The following UGGT1 variants were observed in gnomAD, a reference collection of about 807,000 sequenced individuals.
UGGT1 encodes the protein UDP-glucose glycoprotein glucosyltransferase 1.
A neutral mutation model predicts 203.9 loss-of-function variants in UGGT1; 107 were observed. That is an observed-to-expected ratio of 0.52 (90% confidence interval 0.45 to 0.62). UGGT1 has a LOEUF of 0.62. Among genes scored for constraint, UGGT1 ranks in the 20% least tolerant of loss-of-function variants. The pLI is 0.00. For missense variants in UGGT1, 1,673 were observed against 1,867.2 expected, an observed-to-expected ratio of 0.90 and a Z score of 1.92; for synonymous variants, 628 against 653.5, an observed-to-expected ratio of 0.96 and a Z score of 0.59.
intron 10 of UGGT1, among the ~76,000 whole-genome samples, chr2:128,121,805 A>G (rs1688395660): frequency 6.6e-6 from 1 of 152,208 alleles, no homozygotes; most frequent in African/African-American, 2.4e-5. Context: ...GAAGTGACAG[A>G]TTTAGGTTAT....
chr2:128,149,877 G>A (rs553933667), intron 18 of UGGT1, among the ~76,000 whole-genome samples: 1 of 152,156 alleles, frequency 6.6e-6, no homozygotes, highest in South Asian at 2.1e-4. Context: ...CAGGAGAATC[G>A]CTTGAACGCA....
intron 11 of UGGT1, among the ~76,000 whole-genome samples, chr2:128,125,486 T>C (rs1018396737): frequency 6.6e-6 from 1 of 152,186 alleles, no homozygotes; most frequent in East Asian, 1.9e-4. Context: ...GGTCTAACAT[T>C]CAGCTTTCTC....
chr2:128,097,588 T>C (rs1553430796), intron 2 of UGGT1, 24 bp downstream of exon 2: 2 of 1,612,932 alleles, frequency 1.2e-6, no homozygotes, highest in South Asian at 1.1e-5. Context: ...TTTTTTCCCT[T>C]CGTGTATTTG....
intron 2 of UGGT1, among the ~76,000 whole-genome samples, chr2:128,100,445 T>G (rs1460814157): frequency 6.6e-6 from 1 of 151,766 alleles, no homozygotes; most frequent in Non-Finnish European, 1.5e-5. Flanking sequence ...TCGCTCTTGT[T>G]GCCCAGGCTG....
rs150217935 is a variant in UGGT1, at chr2:128,179,073, G to T, written c.3815+504G>T. Among the ~76,000 whole-genome samples the T allele has an allele frequency of 2.0e-3, 298 of 152,234 alleles. 2 individuals carry two copies. Among genetic ancestry groups the T allele is most frequent in the Non-Finnish European group, 2.0e-3 (136 of 68,010 alleles). ...CCAGAAGAGGCCACGGGCTAGGGCT[G>T]CCTGATGTAGTGGTCACCAGAGGCA... On this transcript the variant is annotated intron_variant, in intron 34 of 40. Transcript: ENST00000259253.
chr2:128,142,815 C>G (rs1215769276), intron 16 of UGGT1, among the ~76,000 whole-genome samples: 2 of 151,622 alleles, frequency 1.3e-5, no homozygotes, highest in Non-Finnish European at 1.5e-5. Flanking sequence ...AAACCTGTCT[C>G]TACTAAAAAT....
intron 40 of UGGT1, among the ~76,000 whole-genome samples, chr2:128,188,099 C>G (rs575709464): frequency 6.6e-6 from 1 of 151,482 alleles, no homozygotes; most frequent in African/African-American, 2.4e-5. Flanking sequence ...TGGCTCACTG[C>G]AGCCTCCACC....
chr2:128,129,704 A>G (rs1032171799), intron 13 of UGGT1, among the ~76,000 whole-genome samples: 21 of 152,056 alleles, frequency 1.4e-4, no homozygotes, highest in African/African-American at 4.8e-4. Flanking sequence ...TGGCCAAGAC[A>G]GTGATTTTTT....
At chr2:128,141,863 A>G (rs942273901) in intron 16 of UGGT1, among the ~76,000 whole-genome samples, 40 of 151,786 alleles carry the variant, frequency 2.6e-4, no homozygotes, top group Middle Eastern at 6.9e-3. Flanking sequence ...AGATTTCTCT[A>G]TCTCTCCCCT....
intron 25 of UGGT1, 30 bp from the exon 26 acceptor site, chr2:128,164,700 T>C: frequency 1.3e-6 from 2 of 1,582,222 alleles, no homozygotes; most frequent in Non-Finnish European, 8.7e-7. Context: ...GTTAAAAAGA[T>C]GTTAAGATTT....
intron 18 of UGGT1, chr2:128,151,036 A>G: frequency 4.6e-6 from 1 of 217,156 alleles, no homozygotes; most frequent in South Asian, 5.5e-5. Flanking sequence ...TTTTTAGTAG[A>G]GACAGGGTTT....
intron 27 of UGGT1, among the ~76,000 whole-genome samples, chr2:128,170,877 T>A (rs1195678122): frequency 2.0e-5 from 3 of 152,188 alleles, no homozygotes; most frequent in Non-Finnish European, 4.4e-5. Flanking sequence ...TGAGTATTGG[T>A]ATCTCTGTTT....
chr2:128,174,777 A>G lies in UGGT1; in HGVS notation c.3458A>G (p.Tyr1153Cys). Residue 1153 changes from tyrosine (Y) to cysteine (C), a missense_variant, in exon 31 of 41, where the codon TAC becomes TGC. Coordinates refer to ENST00000259253, the MANE Select transcript of UGGT1 (RefSeq NM_020120.4). ...GGACTTTTCTTCTTGTCCTAGGGCT[A>G]CTTTCAGCTGAAAGCCAACCCAGGA... ...VDTIVMANLG[Y>C]FQLKANPGAW... is the part of the protein sequence containing the mutation. The G allele has an allele frequency of 6.2e-7, 1 of 1,613,530 alleles. No homozygotes were observed. Among genetic ancestry groups the G allele is most frequent in the Non-Finnish European group, 8.5e-7 (1 of 1,179,732 alleles).
intron 16 of UGGT1, 93 bp downstream of exon 16, chr2:128,138,945 G>A (rs1689277278): frequency 2.0e-6 from 3 of 1,517,058 alleles, no homozygotes; most frequent in South Asian, 1.2e-5. Flanking sequence ...CAGCTGGGGT[G>A]TATAGAGCTC....
chr2:128,123,131 G>T, intron 10 of UGGT1, 55 bp from the exon 11 acceptor site: 2 of 1,359,018 alleles, frequency 1.5e-6, no homozygotes, highest in East Asian at 2.4e-5. Flanking sequence ...TATGGAAATT[G>T]AAGACTTTAT....
At chr2:128,129,538 A>G (rs1688776378) in intron 13 of UGGT1, among the ~76,000 whole-genome samples, 1 of 151,690 alleles carries the variant, frequency 6.6e-6, no homozygotes, top group Admixed American at 6.6e-5. Flanking sequence ...AGCTGGCATT[A>G]CAGGAGCCTG....
At chr2:128,101,526 T>A (rs1380748887) in intron 2 of UGGT1, among the ~76,000 whole-genome samples, 1 of 152,200 alleles carries the variant, frequency 6.6e-6, no homozygotes, top group Non-Finnish European at 1.5e-5. Flanking sequence ...ATTATTAAAA[T>A]CAAAACCAAT....
intron 37 of UGGT1, among the ~76,000 whole-genome samples, chr2:128,183,438 A>C (rs1008285735): frequency 6.6e-6 from 1 of 152,224 alleles, no homozygotes; most frequent in Non-Finnish European, 1.5e-5. Flanking sequence ...GTCTGAGATT[A>C]TTTCTTTCGG....
rs1688726571 is a variant in UGGT1, at chr2:128,128,612, C to T, written c.1227-417C>T. 2.0e-5 allele frequency among the ~76,000 whole-genome samples: 3 copies of T among 152,136 alleles called. No homozygotes were observed. The South Asian group carries it at 6.2e-4, about 32-fold the overall frequency. On this transcript the variant is annotated intron_variant, in intron 12 of 40. Coordinates refer to ENST00000259253, the MANE Select transcript of UGGT1 (RefSeq NM_020120.4). Reference sequence around the variant, plus strand: ...CAGGCATGAGCCACCGCGCCCAGCCCTTCATCTCTATCTCTTCTGTCTCTC... The same window carrying T: ...CAGGCATGAGCCACCGCGCCCAGCCTTTCATCTCTATCTCTTCTGTCTCTC...
Sources: allele counts gnomAD v4.1 joint callset (sites outside exome capture counted in the v4.1 genomes callset), GRCh38; gene constraint gnomAD v4.1.1; transcripts MANE v1.5; gene names NCBI Gene and HGNC (gene_info 2026-07-23, HGNC 2026-07-21).